The following CCDC178 variants were observed in gnomAD, a reference collection of about 807,000 sequenced individuals.
CCDC178 encodes the protein coiled-coil domain containing 178, also known as coiled-coil domain-containing protein 178.
A neutral mutation model predicts 117.4 loss-of-function variants in CCDC178; 126 were observed. The observed-to-expected ratio is 1.07, with a 90% confidence interval of 0.93 to 1.24. The LOEUF (loss-of-function observed/expected upper bound fraction) is 1.24. Among genes scored for constraint, CCDC178 ranks in the 50% most tolerant of loss-of-function variants. The pLI, the probability that CCDC178 is intolerant of heterozygous loss-of-function variation, is 0.00. For missense variants in CCDC178, 1,030 were observed against 986.9 expected, an observed-to-expected ratio of 1.04 and a Z score of -0.59; for synonymous variants, 283 against 313.4, an observed-to-expected ratio of 0.90 and a Z score of 1.02.
chr18:33,316,883 C>G (rs184780653), intron 11 of CCDC178, among the ~76,000 whole-genome samples: 5 of 151,928 alleles, frequency 3.3e-5, no homozygotes, highest in Non-Finnish European at 7.4e-5. Flanking sequence ...ATATACCAAT[C>G]GACACTCTGT....
At chr18:33,146,487 T>C (rs271501) in intron 20 of CCDC178, among the ~76,000 whole-genome samples, 14,734 of 152,142 alleles carry the variant, frequency 0.097, 920 homozygotes, top group African/African-American at 0.18. Context: ...AGACCTTGTT[T>C]CTGCAAAAAA....
Position 33,414,935 on chromosome 18 carries a change from C to A in CCDC178, c.-22-2825G>T, listed in dbSNP as rs956441055. On this transcript the variant is annotated intron_variant, in intron 2 of 22. Coordinates refer to ENST00000383096, the MANE Select transcript of CCDC178 (RefSeq NM_001105528.4). ...CAAAAGAAGACATTTATGCAGCCAA[C>A]AGACACATGAAAAAATGCTCATCAT... Among the ~76,000 whole-genome samples the A allele has an allele frequency of 9.2e-5, 14 of 152,226 alleles. No individual in the cohort carries two copies. In the East Asian group the frequency reaches 1.2e-3, roughly 13 times the overall value.
chr18:33,110,530 C>T (rs1033050572), intron 20 of CCDC178, among the ~76,000 whole-genome samples: 1 of 151,506 alleles, frequency 6.6e-6, no homozygotes, highest in Non-Finnish European at 1.5e-5. Flanking sequence ...ATAACTTTAA[C>T]ATTTATATCT....
chr18:33,257,390 A>C (rs2059693966), intron 14 of CCDC178, among the ~76,000 whole-genome samples: 1 of 151,994 alleles, frequency 6.6e-6, no homozygotes, highest in Non-Finnish European at 1.5e-5. Context: ...TACTTTATCC[A>C]ACTCCTTCAC....
intron 7 of CCDC178, among the ~76,000 whole-genome samples, chr18:33,350,710 T>C (rs1463362361): frequency 6.6e-6 from 1 of 152,188 alleles, no homozygotes; most frequent in Non-Finnish European, 1.5e-5. Context: ...CTTTTGGCTA[T>C]TGTGAATATA....
At chr18:33,352,505 A>C (rs1031584713) in intron 7 of CCDC178, among the ~76,000 whole-genome samples, 1 of 152,114 alleles carries the variant, frequency 6.6e-6, no homozygotes, top group African/African-American at 2.4e-5. Context: ...GTATAAAGTT[A>C]GGTTACTGGA....
chr18:33,064,109 C>T (rs2056973694), intron 21 of CCDC178, among the ~76,000 whole-genome samples: 1 of 152,022 alleles, frequency 6.6e-6, no homozygotes, highest in Non-Finnish European at 1.5e-5. Context: ...TGTAAGAACA[C>T]AATATACTAA....
In CCDC178 at chr18:32,998,164, C is replaced by T. The variant is rs184812983; in HGVS notation, c.2389-23483G>A. 7.6e-3 allele frequency among the ~76,000 whole-genome samples: 1,165 copies of T among 152,298 alleles called. 14 individuals are homozygous for T. The highest frequency in any genetic ancestry group is 0.027 in the African/African-American group (1,111 of 41,556). On this transcript the variant is annotated intron_variant, in intron 21 of 22. Coordinates refer to ENST00000383096, the MANE Select transcript of CCDC178 (RefSeq NM_001105528.4). ...GTGGTGAAGAGAGATAATCTGTGTG[C>T]TTGGAGGAGGCAGAGTGATTGTGGG...
intron 4 of CCDC178, among the ~76,000 whole-genome samples, chr18:33,389,994 G>GTATA (rs72346999): frequency 6.8e-5 from 10 of 147,556 alleles, no homozygotes; most frequent in African/African-American, 1.2e-4. Flanking sequence ...ATGTGTATGT[G>GTATA]TATATATATA....
At chr18:33,346,898 T>C (rs540579719) in intron 8 of CCDC178, among the ~76,000 whole-genome samples, 1 of 152,340 alleles carries the variant, frequency 6.6e-6, no homozygotes, top group Non-Finnish European at 1.5e-5. Flanking sequence ...CATTGGAATT[T>C]TGAAACTCTA....
chr18:33,057,233 G>A (rs898749470), intron 21 of CCDC178, among the ~76,000 whole-genome samples: 2 of 152,092 alleles, frequency 1.3e-5, no homozygotes, highest in Non-Finnish European at 2.9e-5. Context: ...ACAACAGCAT[G>A]GGCCTTAGGG....
chr18:33,338,674 C>G (rs1489735446), intron 9 of CCDC178, among the ~76,000 whole-genome samples: 1 of 152,086 alleles, frequency 6.6e-6, no homozygotes, highest in African/African-American at 2.4e-5. Context: ...TATGTTCTCA[C>G]TCATAAGTGG....
intron 21 of CCDC178, among the ~76,000 whole-genome samples, chr18:33,083,953 A>G (rs1200360472): frequency 1.3e-5 from 2 of 152,232 alleles, no homozygotes; most frequent in South Asian, 2.1e-4. Flanking sequence ...GCATGGTTCA[A>G]GGTAGGATTT....
At chr18:33,393,116 C>T (rs1408823516) in intron 4 of CCDC178, among the ~76,000 whole-genome samples, 1 of 152,142 alleles carries the variant, frequency 6.6e-6, no homozygotes, top group African/African-American at 2.4e-5. Flanking sequence ...AACTCCAAGA[C>T]TGGTTGTCAG....
chr18:33,266,630 G>A (rs4319841), intron 14 of CCDC178, among the ~76,000 whole-genome samples: 114,206 of 137,652 alleles, frequency 0.83, 48,221 homozygotes, highest in South Asian at 0.92. Flanking sequence ...ATCACACACC[G>A]GGGACTGTTG....
intron 14 of CCDC178, among the ~76,000 whole-genome samples, chr18:33,246,968 G>A (rs142075874): frequency 1.3e-5 from 2 of 151,974 alleles, no homozygotes; most frequent in African/African-American, 4.8e-5. Flanking sequence ...TTGGGACCAA[G>A]TAGGGTGAGG....
intron 22 of CCDC178, among the ~76,000 whole-genome samples, chr18:32,957,424 A>C (rs1401060108): frequency 6.6e-6 from 1 of 152,164 alleles, no homozygotes; most frequent in Non-Finnish European, 1.5e-5. Context: ...TCAGTTCTGG[A>C]AAATGAAACT....
intron 21 of CCDC178, among the ~76,000 whole-genome samples, chr18:33,010,752 A>AT (rs1332125729): frequency 1.3e-5 from 2 of 152,116 alleles, no homozygotes; most frequent in African/African-American, 2.4e-5. Context: ...AGGTATGCAT[A>AT]TTTTTTTCTT....
intron 10 of CCDC178, among the ~76,000 whole-genome samples, chr18:33,329,876 AGTGTGTGTGTGTGTGT>A (rs67627028): frequency 4.2e-4 from 55 of 131,446 alleles, no homozygotes; most frequent in Non-Finnish European, 5.6e-4. Flanking sequence ...GAATTATTAG[AGTGTGTGTGTGTGTGT>A]GTGTGTGTGT....
Sources: allele counts gnomAD v4.1 joint callset (sites outside exome capture counted in the v4.1 genomes callset), GRCh38; gene constraint gnomAD v4.1.1; transcripts MANE v1.5; gene names NCBI Gene and HGNC (gene_info 2026-07-23, HGNC 2026-07-21).